Variants in KCNK10 observed in about 807,000 individuals in gnomAD.
KCNK10 encodes potassium two pore domain channel subfamily K member 10.
A neutral mutation model predicts 47.7 loss-of-function variants in KCNK10; 25 were observed. The observed-to-expected ratio is 0.52, with a 90% CI of 0.38 to 0.73. KCNK10 has a LOEUF of 0.73. Among genes scored for constraint, KCNK10 ranks in the 30% least tolerant of loss-of-function variants. The pLI, the probability that KCNK10 is intolerant of heterozygous loss-of-function variation, is 0.00. For synonymous variants in KCNK10, 303 were observed against 285.6 expected, an observed-to-expected ratio of 1.06 and a Z score of -0.61; for missense variants, 563 against 714.5, an observed-to-expected ratio of 0.79 and a Z score of 2.42.
intron 3 of KCNK10, among the ~76,000 whole-genome samples, chr14:88,237,578 G>T (rs1392497487): frequency 1.3e-5 from 2 of 152,114 alleles, no homozygotes; most frequent in Non-Finnish European, 2.9e-5. Flanking sequence ...CTCCATCCAT[G>T]GGCTGAAGAA....
chr14:88,251,445 G>A lies in KCNK10; in HGVS notation c.403-10625C>T, dbSNP rs187039125. Among the ~76,000 whole-genome samples, 4 of 152,020 alleles carry A rather than the reference G, an allele frequency of 2.6e-5. No individual in the cohort carries two copies. In the East Asian group the frequency reaches 7.7e-4, roughly 29 times the overall value. On this transcript the variant is annotated intron_variant, in intron 2 of 6. Coordinates refer to ENST00000319231, the MANE Select transcript of KCNK10 (RefSeq NM_138317.3). ...AGAGTCTAGCAAATGGGGGGCAAAT[G>A]GTGCCAAGCAGGACACGACCCAACA...
At chr14:88,233,731 A>G (rs1344509872) in intron 3 of KCNK10, among the ~76,000 whole-genome samples, 5 of 152,228 alleles carry the variant, frequency 3.3e-5, no homozygotes, top group Non-Finnish European at 7.3e-5. Context: ...TATTATGTGG[A>G]TCAATAAACA....
chr14:88,308,517 A>C (rs1268111316), intron 1 of KCNK10, among the ~76,000 whole-genome samples: 1 of 152,266 alleles, frequency 6.6e-6, no homozygotes. Context: ...GACACTTTGG[A>C]AATCACGTGT....
At chr14:88,222,297 G>A (rs957304182) in intron 4 of KCNK10, among the ~76,000 whole-genome samples, 3 of 152,188 alleles carry the variant, frequency 2.0e-5, no homozygotes, top group South Asian at 2.1e-4. Flanking sequence ...GGAGATATAA[G>A]TTGAGATTTG....
intron 2 of KCNK10, among the ~76,000 whole-genome samples, chr14:88,247,058 A>G (rs1335253451): frequency 6.6e-6 from 1 of 152,198 alleles, no homozygotes; most frequent in African/African-American, 2.4e-5. Context: ...TGTGTACAGT[A>G]CACATCTGGT....
chr14:88,262,458 A>G (rs1217921764), intron 2 of KCNK10, among the ~76,000 whole-genome samples: 1 of 152,060 alleles, frequency 6.6e-6, no homozygotes, highest in East Asian at 1.9e-4. Context: ...AGCCCCACAG[A>G]TGACTCTCTG....
chr14:88,316,488 G>C (rs898778623), intron 1 of KCNK10, among the ~76,000 whole-genome samples: 1 of 152,186 alleles, frequency 6.6e-6, no homozygotes, highest in African/African-American at 2.4e-5. Flanking sequence ...GAAGTGGAAG[G>C]TCCCTTTGAC....
At position 88,281,830 on chromosome 14, in the gene KCNK10, TTGTGTGTGTG is replaced by T. The variant is rs10541411; in HGVS notation, c.53-18289_53-18280del. On this transcript the variant is annotated intron_variant, in intron 1 of 6. Transcript: ENST00000319231. The stretch of plus-strand genomic sequence containing the variant: ...AGATATATATATACACAAGATACAT[TTGTGTGTGTG>T]TGTGTGTGTGTGTGTTTGTATCCTA... Among the ~76,000 whole-genome samples, 6 of 148,436 alleles carry T rather than the reference TTGTGTGTGTG, an allele frequency of 4.0e-5. No homozygotes were observed. The South Asian group carries it at 1.3e-3, about 32-fold the overall frequency.
At chr14:88,269,134 G>A (rs1289053865) in intron 1 of KCNK10, among the ~76,000 whole-genome samples, 1 of 152,152 alleles carries the variant, frequency 6.6e-6, no homozygotes, top group South Asian at 2.1e-4. Context: ...GATAAATTCT[G>A]TCTCAAAAAA....
At chr14:88,324,218 A>C (rs1216597799), upstream of KCNK10, among the ~76,000 whole-genome samples, 1 of 152,212 alleles carries the variant, frequency 6.6e-6, no homozygotes, top group Non-Finnish European at 1.5e-5. Context: ...CTAAACCTGG[A>C]GCATTCGTCT....
At chr14:88,290,663 T>C (rs1887856422) in intron 1 of KCNK10, among the ~76,000 whole-genome samples, 1 of 152,148 alleles carries the variant, frequency 6.6e-6, no homozygotes, top group Non-Finnish European at 1.5e-5. Context: ...TTATAACAGA[T>C]GGAACGAGAC....
chr14:88,325,522 A>G (rs1372734557), upstream of KCNK10, among the ~76,000 whole-genome samples: 1 of 152,180 alleles, frequency 6.6e-6, no homozygotes, highest in Admixed American at 6.5e-5. Context: ...CAAGGTCACG[A>G]TATGAGGATT....
intron 1 of KCNK10, among the ~76,000 whole-genome samples, chr14:88,297,469 T>C (rs1047669789): frequency 1.3e-5 from 2 of 152,224 alleles, no homozygotes; most frequent in African/African-American, 4.8e-5. Context: ...GAGAAACATC[T>C]GGCAGCATTC....
intron 1 of KCNK10, among the ~76,000 whole-genome samples, chr14:88,301,162 G>A (rs776191986): frequency 2.0e-5 from 3 of 152,192 alleles, no homozygotes; most frequent in African/African-American, 4.8e-5. Flanking sequence ...TAGAGGCATT[G>A]TCAGGACTTT....
chr14:88,276,474 A>G (rs1887530615), intron 1 of KCNK10, among the ~76,000 whole-genome samples: 1 of 152,106 alleles, frequency 6.6e-6, no homozygotes, highest in African/African-American at 2.4e-5. Context: ...GCACACTAAG[A>G]CATTGACTAG....
At chr14:88,299,733 G>A (rs1303922199) in intron 1 of KCNK10, among the ~76,000 whole-genome samples, 2 of 152,134 alleles carry the variant, frequency 1.3e-5, no homozygotes, top group Non-Finnish European at 2.9e-5. Flanking sequence ...ATTTATTTAA[G>A]ATTTAAGGGG....
chr14:88,256,833 T>G (rs1886971223), intron 2 of KCNK10, among the ~76,000 whole-genome samples: 1 of 152,112 alleles, frequency 6.6e-6, no homozygotes, highest in Non-Finnish European at 1.5e-5. Context: ...TAACAAGAGC[T>G]CAAAGTTACT....
intron 4 of KCNK10, among the ~76,000 whole-genome samples, chr14:88,202,829 G>A (rs1009110077): frequency 1.3e-5 from 2 of 152,216 alleles, no homozygotes; most frequent in Non-Finnish European, 2.9e-5. Context: ...CCAGTCTGGA[G>A]GCCAAGAGGA....
chr14:88,266,707 C>T (rs1327910734), intron 1 of KCNK10, among the ~76,000 whole-genome samples: 3 of 152,124 alleles, frequency 2.0e-5, no homozygotes, highest in African/African-American at 7.2e-5. Flanking sequence ...GGGGATAAGG[C>T]ACAGTCCCTC....
Sources: gnomAD v4.1 joint callset for allele counts (sites outside exome capture counted in the v4.1 genomes callset) on GRCh38, gnomAD v4.1.1 for gene constraint, MANE v1.5 for transcripts, NCBI Gene and HGNC (gene_info 2026-07-23, HGNC 2026-07-21) for gene names.